MDFIC2: variants seen among roughly 807,000 people sequenced by gnomAD.
MDFIC2 encodes MyoD family inhibitor domain containing 2.
chr3:70,255,961 A>G (rs1313963642), intron 2 of MDFIC2, among the ~76,000 whole-genome samples: 1 of 151,896 alleles, frequency 6.6e-6, no homozygotes, highest in Non-Finnish European at 1.5e-5. Context: ...TACAACACGT[A>G]ATTGAAAATC....
chr3:70,264,896 C>T (rs143337209), intron 2 of MDFIC2, among the ~76,000 whole-genome samples: 3 of 152,198 alleles, frequency 2.0e-5, no homozygotes, highest in South Asian at 2.1e-4. Context: ...ACAGGAAAGA[C>T]GATTAATTGA....
At chr3:70,277,032 T>C (rs187117185) in intron 2 of MDFIC2, among the ~76,000 whole-genome samples, 122 of 152,284 alleles carry the variant, frequency 8.0e-4, no homozygotes, top group Non-Finnish European at 1.2e-3. Flanking sequence ...ATGGCATTCA[T>C]GGATAATTAC....
At position 70,231,127 on chromosome 3, in the gene MDFIC2, G is replaced by A. The variant is rs894458740; in HGVS notation, c.89-24337C>T. ...GTAAATGTATTAAAAACACACAAGG[G>A]CATTTTCGTACATGTACGTGAAAAA... On this transcript the variant is annotated intron_variant, in intron 2 of 3. Transcript: ENST00000567252. Among the ~76,000 whole-genome samples the A allele has an allele frequency of 4.6e-5, 7 of 152,270 alleles. No individual in the cohort carries two copies. The East Asian group carries it at 1.4e-3, about 29-fold the overall frequency.
At chr3:70,200,313 G>C (rs570333066) in intron 3 of MDFIC2, among the ~76,000 whole-genome samples, 1 of 152,280 alleles carries the variant, frequency 6.6e-6, no homozygotes, top group Admixed American at 6.5e-5. Context: ...TTAGAGAAAA[G>C]TGCCAAATCC....
intron 2 of MDFIC2, among the ~76,000 whole-genome samples, chr3:70,279,832 G>A (rs1426414650): frequency 6.6e-6 from 1 of 152,074 alleles, no homozygotes; most frequent in East Asian, 1.9e-4. Context: ...AAGTCTCCTG[G>A]GCTGCACAAC....
intron 3 of MDFIC2, chr3:70,204,539 AG>A (rs1701272558): frequency 1.3e-5 from 2 of 152,186 alleles, no homozygotes; most frequent in African/African-American, 4.8e-5. Context: ...GAAAAGGACA[AG>A]TGGACTATCA....
rs538133902 is a variant in MDFIC2, at chr3:70,249,039, G to A, written c.89-42249C>T. ...ATATTATCGTAAGTTCACAGTGCTAGGAAATGAGGAAGTGGAGGTCCCTAC... is the reference window on the plus strand; with the variant it reads ...ATATTATCGTAAGTTCACAGTGCTAAGAAATGAGGAAGTGGAGGTCCCTAC... On this transcript the variant is annotated intron_variant, in intron 2 of 3. Coordinates refer to ENST00000567252, the MANE Select transcript of MDFIC2 (RefSeq NM_001364677.1). 8 of 152,244 alleles carry A rather than the reference G, an allele frequency of 5.3e-5. No individual in the cohort carries two copies. In the South Asian group the frequency reaches 1.7e-3, roughly 32 times the overall value. 9.4% of individuals were successfully genotyped at this position (152,244 alleles called of 1,614,324 possible). A position where few individuals can be genotyped will look rare whatever the true frequency, so the allele number is the denominator to read the frequency against.
intron 2 of MDFIC2, among the ~76,000 whole-genome samples, chr3:70,209,106 G>A (rs762100594): frequency 1.3e-5 from 2 of 151,878 alleles, no homozygotes; most frequent in Admixed American, 6.6e-5. Flanking sequence ...TTCTTACTTG[G>A]GTATCAAGGC....
At chr3:70,301,926 T>C (rs1702352474) in intron 2 of MDFIC2, among the ~76,000 whole-genome samples, 1 of 152,144 alleles carries the variant, frequency 6.6e-6, no homozygotes, top group South Asian at 2.1e-4. Context: ...CAGATTTTCT[T>C]CTGTTGTCTG....
intron 2 of MDFIC2, among the ~76,000 whole-genome samples, chr3:70,270,743 G>A (rs190992037): frequency 1.6e-4 from 25 of 152,270 alleles, no homozygotes; most frequent in Admixed American, 5.9e-4. Context: ...CCAGGACACG[G>A]TTGAAGCTGG....
At chr3:70,298,620 G>A (rs1419011545) in intron 2 of MDFIC2, among the ~76,000 whole-genome samples, 1 of 152,088 alleles carries the variant, frequency 6.6e-6, no homozygotes, top group Non-Finnish European at 1.5e-5. Flanking sequence ...CACCATGACT[G>A]TGCTGAAGCT....
intron 2 of MDFIC2, among the ~76,000 whole-genome samples, chr3:70,220,778 T>A (rs145575571): frequency 1.2e-3 from 187 of 152,304 alleles, no homozygotes; most frequent in African/African-American, 4.2e-3. Context: ...TTATGAAGAT[T>A]TCAGTCTCTC....
chr3:70,218,031 T>C (rs986320441), intron 2 of MDFIC2, among the ~76,000 whole-genome samples: 1 of 152,134 alleles, frequency 6.6e-6, no homozygotes, highest in Admixed American at 6.6e-5. Context: ...GCAAATCATA[T>C]GCTTATTTTT....
intron 3 of MDFIC2, chr3:70,204,410 T>A (rs1233671713): frequency 6.6e-6 from 1 of 152,170 alleles, no homozygotes; most frequent in Non-Finnish European, 1.5e-5. Flanking sequence ...TTGTTTGCTG[T>A]TTAGGATAAT....
intron 2 of MDFIC2, among the ~76,000 whole-genome samples, chr3:70,233,684 C>T (rs933858181): frequency 5.3e-5 from 8 of 152,152 alleles, no homozygotes; most frequent in Non-Finnish European, 8.8e-5. Context: ...AACCTGCGAC[C>T]CATTCTTCTT....
At chr3:70,276,174 A>G (rs1702023745) in intron 2 of MDFIC2, among the ~76,000 whole-genome samples, 1 of 152,172 alleles carries the variant, frequency 6.6e-6, no homozygotes, top group Non-Finnish European at 1.5e-5. Flanking sequence ...AATGTTAGGT[A>G]TATAGCAGGT....
chr3:70,213,898 A>T (rs115266405), intron 2 of MDFIC2, among the ~76,000 whole-genome samples: 3,707 of 152,186 alleles, frequency 0.024, 62 homozygotes, highest in Middle Eastern at 0.061. Flanking sequence ...ATGGCTGAAG[A>T]CAGAACAAAA....
chr3:70,201,752 G>T (rs1559533770), intron 3 of MDFIC2, among the ~76,000 whole-genome samples: 3 of 152,140 alleles, frequency 2.0e-5, no homozygotes, highest in Non-Finnish European at 4.4e-5. Flanking sequence ...GCCACTACCA[G>T]CTTCTTGATG....
At position 70,238,850 on chromosome 3, in the gene MDFIC2, A is replaced by G. The variant is rs544121989; in HGVS notation, c.89-32060T>C. ...CCTGTAATGGAAAGAGACTCACAGAATTGCATAGGAGGTTTAATTAATTTT... is the reference window on the plus strand; with the variant it reads ...CCTGTAATGGAAAGAGACTCACAGAGTTGCATAGGAGGTTTAATTAATTTT... On this transcript the variant is annotated intron_variant, in intron 2 of 3. Transcript: ENST00000567252. Among the ~76,000 whole-genome samples the G allele has an allele frequency of 9.2e-5, 14 of 152,172 alleles. No homozygotes were observed. The East Asian group carries it at 2.5e-3, about 27-fold the overall frequency.
Sources: allele counts gnomAD v4.1 joint callset (sites outside exome capture counted in the v4.1 genomes callset), GRCh38; gene constraint gnomAD v4.1.1; transcripts MANE v1.5; gene names NCBI Gene and HGNC (gene_info 2026-07-23, HGNC 2026-07-21).